SGMS1: variants seen among roughly 807,000 people sequenced by gnomAD.
SGMS1 encodes phosphatidylcholine:ceramide cholinephosphotransferase 1.
Under a neutral mutation model 46.2 loss-of-function variants are expected in SGMS1, and 13 were observed. The observed-to-expected ratio is 0.28, with a 90% CI of 0.18 to 0.45. SGMS1 has a LOEUF of 0.45. Among genes scored for constraint, SGMS1 ranks in the 20% least tolerant of loss-of-function variants. The probability of loss-of-function intolerance (pLI) is 1.00; values close to 1 mark genes in which losing one functional copy is unlikely to be tolerated. For synonymous variants in SGMS1, 203 were observed against 187.8 expected (o/e 1.08, Z -0.66); for missense variants, 324 against 519.9 (o/e 0.62, Z 3.66).
chr10:50,361,650 C>A (rs1312604412), intron 6 of SGMS1, among the ~76,000 whole-genome samples: 2 of 152,218 alleles, frequency 1.3e-5, no homozygotes, highest in African/African-American at 4.8e-5. Context: ...GAGATCCTAT[C>A]TTGAAGGCTC....
At chr10:50,593,125 A>C (rs546889392) in intron 1 of SGMS1, among the ~76,000 whole-genome samples, 1 of 152,322 alleles carries the variant, frequency 6.6e-6, no homozygotes, top group South Asian at 2.1e-4. Context: ...CTCTGCAGAG[A>C]TACACGTGGG....
intron 8 of SGMS1, among the ~76,000 whole-genome samples, chr10:50,322,237 C>G (rs1444227489): frequency 6.6e-6 from 1 of 152,196 alleles, no homozygotes; most frequent in Non-Finnish European, 1.5e-5. Flanking sequence ...TCTCTCTTCT[C>G]AAAGGTTTTC....
chr10:50,489,818 A>T (rs1837552913), intron 3 of SGMS1, among the ~76,000 whole-genome samples: 1 of 152,154 alleles, frequency 6.6e-6, no homozygotes, highest in African/African-American at 2.4e-5. Flanking sequence ...TACTAAAAAT[A>T]CAAAAATTAG....
chr10:50,606,269 C>T (rs1273095907), intron 1 of SGMS1, among the ~76,000 whole-genome samples: 1 of 152,124 alleles, frequency 6.6e-6, no homozygotes, highest in Admixed American at 6.5e-5. Flanking sequence ...TAGTCAAATT[C>T]GCATATACAG....
At chr10:50,594,869 C>T (rs11814231) in intron 1 of SGMS1, among the ~76,000 whole-genome samples, 2,345 of 152,304 alleles carry the variant, frequency 0.015, 60 homozygotes, top group African/African-American at 0.053. Context: ...AACCTCCTGA[C>T]AGTTCTCGTC....
chr10:50,573,309 T>G (rs78116563), intron 2 of SGMS1, among the ~76,000 whole-genome samples: 1 of 152,172 alleles, frequency 6.6e-6, no homozygotes, highest in Non-Finnish European at 1.5e-5. Flanking sequence ...TAATCTTATA[T>G]GTAGAAAACC....
intron 2 of SGMS1, among the ~76,000 whole-genome samples, chr10:50,566,491 G>C (rs897550879): frequency 6.6e-6 from 1 of 152,100 alleles, no homozygotes; most frequent in Non-Finnish European, 1.5e-5. Flanking sequence ...ATACTGGAAG[G>C]CTATGGGTTA....
chr10:50,530,736 C>T (rs752939674), intron 2 of SGMS1, among the ~76,000 whole-genome samples: 6 of 152,062 alleles, frequency 3.9e-5, no homozygotes, highest in Non-Finnish European at 5.9e-5. Flanking sequence ...GCTCCCGCCT[C>T]GGCCTCTCGA....
At chr10:50,346,313 TTATC>T (rs1383752697) in intron 6 of SGMS1, among the ~76,000 whole-genome samples, 2 of 152,168 alleles carry the variant, frequency 1.3e-5, no homozygotes, top group African/African-American at 4.8e-5. Context: ...CTTTCTCAAA[TTATC>T]TATTATATCC....
At chr10:50,600,643 G>A (rs1245077755) in intron 1 of SGMS1, among the ~76,000 whole-genome samples, 1 of 152,238 alleles carries the variant, frequency 6.6e-6, no homozygotes, top group Non-Finnish European at 1.5e-5. Context: ...TGCTGAAAGA[G>A]AATGCTTCTG....
At chr10:50,535,026 G>C (rs1564426222) in intron 2 of SGMS1, among the ~76,000 whole-genome samples, 1 of 152,158 alleles carries the variant, frequency 6.6e-6, no homozygotes, top group Non-Finnish European at 1.5e-5. Context: ...CTGAGGTCAG[G>C]AGTTCAAGAC....
intron 3 of SGMS1, among the ~76,000 whole-genome samples, chr10:50,516,247 A>C (rs1837805228): frequency 6.6e-6 from 1 of 152,218 alleles, no homozygotes; most frequent in Non-Finnish European, 1.5e-5. Flanking sequence ...GCAACTTAGC[A>C]TTCTACAGAC....
chr10:50,309,350 G>A (rs938580661), intron 9 of SGMS1, among the ~76,000 whole-genome samples: 2 of 152,090 alleles, frequency 1.3e-5, no homozygotes, highest in South Asian at 2.1e-4. Flanking sequence ...TTTCCCACCC[G>A]ATGAAGCAGA....
intron 2 of SGMS1, among the ~76,000 whole-genome samples, chr10:50,556,144 A>G (rs888242410): frequency 3.3e-5 from 5 of 152,178 alleles, no homozygotes; most frequent in Admixed American, 1.3e-4. Flanking sequence ...GCCTCCTAAT[A>G]CAACTCTCGG....
At chr10:50,579,356 A>G (rs1351306989) in intron 2 of SGMS1, among the ~76,000 whole-genome samples, 2 of 152,134 alleles carry the variant, frequency 1.3e-5, no homozygotes, top group Non-Finnish European at 2.9e-5. Context: ...CAGAGGGGGG[A>G]ATTCAACAAT....
chr10:50,539,473 T>C (rs1174441807), intron 2 of SGMS1, among the ~76,000 whole-genome samples: 1 of 152,240 alleles, frequency 6.6e-6, no homozygotes, highest in Non-Finnish European at 1.5e-5. Flanking sequence ...CCATCTTTTA[T>C]GGATCCTGTT....
chr10:50,602,059 G>A (rs1191176677), intron 1 of SGMS1, among the ~76,000 whole-genome samples: 1 of 152,162 alleles, frequency 6.6e-6, no homozygotes, highest in Non-Finnish European at 1.5e-5. Context: ...GGGATTTTCA[G>A]ATTTGGGATG....
intron 2 of SGMS1, among the ~76,000 whole-genome samples, chr10:50,550,427 C>T (rs1195567414): frequency 3.9e-5 from 6 of 152,040 alleles, no homozygotes; most frequent in African/African-American, 1.5e-4. Flanking sequence ...TATCCTGAAG[C>T]ACAGCTTTTA....
At chr10:50,511,245 T>TCACACACACACA (rs1409830362) in intron 3 of SGMS1, among the ~76,000 whole-genome samples, 2 of 47,330 alleles carry the variant, frequency 4.2e-5, no homozygotes, top group African/African-American at 1.8e-4. Flanking sequence ...ATTCACTCAT[T>TCACACACACACA]CATACACACA....
Sources: allele counts gnomAD v4.1 joint callset (sites outside exome capture counted in the v4.1 genomes callset), GRCh38; gene constraint gnomAD v4.1.1; transcripts MANE v1.5; gene names NCBI Gene and HGNC (gene_info 2026-07-23, HGNC 2026-07-21).